Variants in TEN1 observed in about 807,000 individuals in gnomAD.
TEN1 encodes the protein TEN1 subunit of CST complex, also known as CST complex subunit TEN1.
TEN1 carries 6 observed loss-of-function variants against 9.3 expected under a neutral mutation model. The ratio of observed to expected loss-of-function variants is 0.65; its 90% confidence interval spans 0.35 to 1.27. TEN1 has a LOEUF of 1.27. Ranked by LOEUF, TEN1 falls within the 50% of genes most tolerant of loss-of-function variation. The pLI is 0.03. For missense variants in TEN1, 149 were observed against 158.2 expected, an observed-to-expected ratio of 0.94 and a Z score of 0.31; for synonymous variants, 65 against 65.6, an observed-to-expected ratio of 0.99 and a Z score of 0.04.
At chr17:75,991,911 G>A (rs2066188150) in intron 3 of TEN1, among the ~76,000 whole-genome samples, 1 of 152,080 alleles carries the variant, frequency 6.6e-6, no homozygotes. Context: ...GCTGGGCGTG[G>A]TGGCATGTGC....
intron 2 of TEN1, 21 bp downstream of exon 2, chr17:75,986,305 C>T (rs760237487): frequency 6.5e-7 from 1 of 1,535,532 alleles, no homozygotes; most frequent in South Asian, 1.2e-5. Flanking sequence ...TTATTTTTTT[C>T]ACTGGTGGGG....
chr17:75,989,423 T>C (rs924966854), intron 2 of TEN1, among the ~76,000 whole-genome samples: 2 of 148,792 alleles, frequency 1.3e-5, no homozygotes, highest in African/African-American at 2.5e-5. Context: ...TTTTTGTTTT[T>C]TTAAATTGAG....
intron 3 of TEN1, among the ~76,000 whole-genome samples, chr17:75,994,239 A>G (rs2066204931): frequency 6.6e-6 from 1 of 151,594 alleles, no homozygotes; most frequent in African/African-American, 2.4e-5. Flanking sequence ...ATTCAAGACC[A>G]GCCTGACCAA....
chr17:75,993,657 T>C (rs920593176), intron 3 of TEN1, among the ~76,000 whole-genome samples: 2 of 152,088 alleles, frequency 1.3e-5, no homozygotes, highest in African/African-American at 2.4e-5. Context: ...ATGTGAGTCA[T>C]GAGGAAGACA....
chr17:75,994,951 G>A (rs1229706876), intron 3 of TEN1, among the ~76,000 whole-genome samples: 2 of 152,194 alleles, frequency 1.3e-5, no homozygotes, highest in Non-Finnish European at 2.9e-5. Context: ...ACCAAGTGTG[G>A]TGGCTCATGC....
At chr17:75,996,580 A>G (rs2066218946) in intron 3 of TEN1, among the ~76,000 whole-genome samples, 1 of 151,262 alleles carries the variant, frequency 6.6e-6, no homozygotes, top group Non-Finnish European at 1.5e-5. Flanking sequence ...TGTTGCACAC[A>G]TGCCTGTAGT....
intron 3 of TEN1, among the ~76,000 whole-genome samples, chr17:75,994,217 C>T (rs954497378): frequency 8.6e-5 from 13 of 151,690 alleles, no homozygotes; most frequent in Admixed American, 3.3e-4. Flanking sequence ...GGAGGATCAC[C>T]GGAGGTCGGA....
chr17:75,986,376 A>G (rs754062858), intron 2 of TEN1, 92 bp downstream of exon 2: 10 of 1,190,742 alleles, frequency 8.4e-6, no homozygotes, highest in Non-Finnish European at 1.0e-5. Flanking sequence ...AAAGATTTTT[A>G]TAACTTCATC....
intron 1 of TEN1, among the ~76,000 whole-genome samples, chr17:75,980,924 C>G (rs2066113983): frequency 1.3e-5 from 2 of 152,184 alleles, no homozygotes; most frequent in African/African-American, 4.8e-5. Flanking sequence ...TTCTCTGTAC[C>G]TGGCACAGTG....
At chr17:75,994,947 T>C (rs1346153724) in intron 3 of TEN1, among the ~76,000 whole-genome samples, 1 of 152,026 alleles carries the variant, frequency 6.6e-6, no homozygotes, top group Non-Finnish European at 1.5e-5. Context: ...GAAAACCAAG[T>C]GTGGTGGCTC....
intron 2 of TEN1, among the ~76,000 whole-genome samples, chr17:75,987,395 A>G (rs1389539518): frequency 6.6e-6 from 1 of 152,212 alleles, no homozygotes; most frequent in African/African-American, 2.4e-5. Context: ...GGGTCCTCAT[A>G]ACACAGCAGT....
chr17:75,991,149 C>CAAAAAAAAA (rs71361699), intron 2 of TEN1, among the ~76,000 whole-genome samples: 42 of 69,562 alleles, frequency 6.0e-4, no homozygotes, highest in African/African-American at 1.5e-3. Context: ...GACTCCATCT[C>CAAAAAAAAA]AAAAAAAAAA....
At chr17:75,987,967 C>T (rs1204932954) in intron 2 of TEN1, among the ~76,000 whole-genome samples, 3 of 142,808 alleles carry the variant, frequency 2.1e-5, no homozygotes, top group East Asian at 2.1e-4. Context: ...AGCCTGGGTG[C>T]GGTGGTTCAC....
intron 1 of TEN1, among the ~76,000 whole-genome samples, chr17:75,983,751 C>T (rs1019087270): frequency 2.6e-5 from 4 of 152,096 alleles, no homozygotes; most frequent in Admixed American, 1.3e-4. Flanking sequence ...GTGCTTGCTG[C>T]TGATTGGTTG....
chr17:75,991,149 C>CAAAAAAAAAAAAAA (rs71361699), intron 2 of TEN1, among the ~76,000 whole-genome samples: 32 of 69,706 alleles, frequency 4.6e-4, no homozygotes, highest in South Asian at 1.1e-3. Context: ...GACTCCATCT[C>CAAAAAAAAAAAAAA]AAAAAAAAAA....
At position 76,000,062 on chromosome 17, in the gene TEN1, G is replaced by T; in HGVS notation, c.251-79G>T. ...AAAACCCAGGACTGAGCTGTGGAGG[G>T]AACAGCTGGAATGCACCTTGGAGGA... On this transcript the variant is annotated intron_variant, in intron 3 of 3. Coordinates refer to ENST00000397640, the MANE Select transcript of TEN1 (RefSeq NM_001113324.3). The surrounding 1 kb of genome is among the most constrained non-coding windows in gnomAD (Gnocchi z 5.9). The T allele has an allele frequency of 6.6e-7, 1 of 1,510,408 alleles. No individual in the cohort carries two copies. Among genetic ancestry groups the T allele is most frequent in the South Asian group, 1.3e-5 (1 of 78,644 alleles). 93.6% of individuals were successfully genotyped at this position (1,510,408 alleles called of 1,614,324 possible).
chr17:76,000,383 G>T lies in TEN1; in HGVS notation c.*121G>T. 7.3e-7 allele frequency: 1 copy of T among 1,378,364 alleles called. No homozygotes were observed. Among genetic ancestry groups the T allele is most frequent in the Non-Finnish European group, 9.6e-7 (1 of 1,042,236 alleles). 85.4% of individuals were successfully genotyped at this position (1,378,364 alleles called of 1,614,324 possible). ...GCCTTGTCTGGAGCTCGAAAGCCGAGGGGCGGGTGATGAATCCAGCCCCTT... is the reference window on the plus strand; with the variant it reads ...GCCTTGTCTGGAGCTCGAAAGCCGATGGGCGGGTGATGAATCCAGCCCCTT... On this transcript the variant is annotated 3_prime_UTR_variant, in exon 4 of 4. Coordinates refer to ENST00000397640, the MANE Select transcript of TEN1 (RefSeq NM_001113324.3). This position sits in a 1 kb window ranked among gnomAD's most constrained non-coding sequence, Gnocchi z 5.9.
rs775231384 is a variant in TEN1, at chr17:75,991,604, G to A, written c.231G>A (p.Gly77=). 95 of 1,551,716 alleles carry A rather than the reference G, an allele frequency of 6.1e-5. No individual in the cohort carries two copies. The African/African-American group carries it at 1.2e-3, about 19-fold the overall frequency. The change falls in exon 3 of 4, where the codon GGG becomes GGA. Residue 77 remains glycine, a synonymous_variant. Coordinates refer to ENST00000397640, the MANE Select transcript of TEN1 (RefSeq NM_001113324.3). The part of the protein sequence containing the change: ...AQVGSLYIVL[G]ELQHQQDRGS... The stretch of plus-strand genomic sequence containing the variant: ...TGGGCTCCCTGTACATCGTCCTCGG[G>A]GAGCTCCAGCATCAGCAGGGTGAGC...
chr17:75,985,941 C>G (rs1431673292), intron 1 of TEN1, among the ~76,000 whole-genome samples: 1 of 151,506 alleles, frequency 6.6e-6, no homozygotes, highest in Non-Finnish European at 1.5e-5. Flanking sequence ...GCACAACATG[C>G]AGGTTTGTTA....
Sources: gnomAD v4.1 joint callset for allele counts (sites outside exome capture counted in the v4.1 genomes callset) on GRCh38, gnomAD v4.1.1 for gene constraint, Gnocchi (gnomAD v3.1) non-coding constraint, MANE v1.5 for transcripts, NCBI Gene and HGNC (gene_info 2026-07-23, HGNC 2026-07-21) for gene names.